Variants in PGM5 observed in about 807,000 individuals in gnomAD.
PGM5 encodes the protein phosphoglucomutase-like protein 5.
Under a neutral mutation model 59.2 loss-of-function variants are expected in PGM5, and 23 were observed. That is an observed-to-expected ratio of 0.39 (90% CI 0.28 to 0.55). The LOEUF (loss-of-function observed/expected upper bound fraction) is 0.55. Ranked by LOEUF, PGM5 falls within the 20% of genes least tolerant of loss-of-function variation. The probability of loss-of-function intolerance (pLI) is 0.66; values close to 1 mark genes in which losing one functional copy is unlikely to be tolerated. For missense variants in PGM5, 574 were observed against 748.3 expected (o/e 0.77, Z 2.72); for synonymous variants, 214 against 286.0 (o/e 0.75, Z 2.54).
intron 10 of PGM5, 78 bp from the exon 11 acceptor site, chr9:68,529,489 T>G (rs1402360846): frequency 1.3e-5 from 13 of 988,988 alleles, no homozygotes; most frequent in Non-Finnish European, 1.7e-5. Context: ...GTCCAGATGC[T>G]TATGGTAGAA....
chr9:68,458,985 C>A (rs1295837686), intron 6 of PGM5, among the ~76,000 whole-genome samples: 1 of 152,102 alleles, frequency 6.6e-6, no homozygotes, highest in Non-Finnish European at 1.5e-5. Context: ...TGCTAGACAT[C>A]AAAGAAGGGA....
chr9:68,432,079 A>T lies in PGM5; in HGVS notation c.1044-33014A>T, dbSNP rs202209046. ...TTTTGTTGTGTTGTTTTTTGTTTTT[A>T]AAAAAATCCCTCTTCCTATACAGAA... On this transcript the variant is annotated intron_variant, in intron 6 of 10. Coordinates refer to ENST00000396396, the MANE Select transcript of PGM5 (RefSeq NM_021965.4). Among the ~76,000 whole-genome samples, 196 of 143,156 alleles carry T rather than the reference A, an allele frequency of 1.4e-3. 2 individuals are homozygous for T. The East Asian group carries it at 0.037, about 27-fold the overall frequency. The allele number at this position is 143,156 out of a possible 152,430, so 93.9% of individuals were successfully genotyped here.
At chr9:68,503,516 G>A (rs370340736) in intron 10 of PGM5, among the ~76,000 whole-genome samples, 5 of 152,160 alleles carry the variant, frequency 3.3e-5, no homozygotes, top group African/African-American at 2.4e-5. Flanking sequence ...TCATTAAGTC[G>A]ATCCAGCCAA....
chr9:68,483,827 C>T (rs549835772), intron 8 of PGM5, 38 bp from the exon 9 acceptor site: 4 of 1,595,852 alleles, frequency 2.5e-6, no homozygotes, highest in Admixed American at 3.4e-5. Context: ...GTTGCTGGTT[C>T]TCTGATTAGG....
intron 6 of PGM5, among the ~76,000 whole-genome samples, chr9:68,440,533 T>C (rs1213880458): frequency 2.0e-5 from 3 of 152,194 alleles, no homozygotes; most frequent in Admixed American, 6.5e-5. Flanking sequence ...TTTATTTGGC[T>C]GAAGAAGTTA....
intron 6 of PGM5, among the ~76,000 whole-genome samples, chr9:68,451,473 T>C (rs1490061255): frequency 6.6e-6 from 1 of 152,258 alleles, no homozygotes; most frequent in Non-Finnish European, 1.5e-5. Context: ...AAAAATTCTT[T>C]CAAGTTCTTT....
chr9:68,465,335 A>G (rs782647171), intron 7 of PGM5, 127 bp downstream of exon 7: 30 of 646,564 alleles, frequency 4.6e-5, no homozygotes, highest in Non-Finnish European at 7.8e-5. Flanking sequence ...AATCAGAGAA[A>G]CCTAGTAGAG....
intron 6 of PGM5, among the ~76,000 whole-genome samples, chr9:68,410,329 G>T (rs1385207280): frequency 1.3e-5 from 2 of 152,162 alleles, no homozygotes; most frequent in African/African-American, 2.4e-5. Flanking sequence ...AAAAATGAGG[G>T]GTTGTCTTAT....
chr9:68,509,092 G>C (rs1554689202), intron 10 of PGM5, among the ~76,000 whole-genome samples: 2 of 152,168 alleles, frequency 1.3e-5, no homozygotes, highest in Non-Finnish European at 2.9e-5. Context: ...CAGGATCTGA[G>C]CTGTTAAGGG....
intron 7 of PGM5, among the ~76,000 whole-genome samples, chr9:68,468,590 G>C (rs1409252041): frequency 6.6e-6 from 1 of 152,120 alleles, no homozygotes; most frequent in Non-Finnish European, 1.5e-5. Flanking sequence ...GTGTTGGATG[G>C]TGTGTAGAAT....
chr9:68,481,173 A>G (rs1463231277), intron 8 of PGM5, among the ~76,000 whole-genome samples: 2 of 152,232 alleles, frequency 1.3e-5, no homozygotes, highest in African/African-American at 4.8e-5. Flanking sequence ...TTCTGTTAAG[A>G]AGACTTTTAC....
At position 68,378,319 on chromosome 9, in the gene PGM5, C is replaced by T; in HGVS notation, c.382C>T (p.Pro128Ser). The T allele has an allele frequency of 1.3e-6, 2 of 1,592,886 alleles. No individual in the cohort carries two copies. Among genetic ancestry groups the T allele is most frequent in the Non-Finnish European group, 1.7e-6 (2 of 1,171,852 alleles). Residue 128 changes from proline to serine, a missense_variant, in exon 2 of 11, where the codon CCA (proline) becomes TCA (serine). Pro to Ser is a moderately conservative substitution (Grantham distance 74, BLOSUM62 -1). Around this residue, in one of 7 missense-constraint regions of PGM5, gnomAD observed 61 missense variants for 133.3 expected, o/e 0.46. Coordinates refer to ENST00000396396, the MANE Select transcript of PGM5 (RefSeq NM_021965.4). ...ILTASHCPGG[P>S]GGEFGVKFNV... ...AACAGCCAGCCACTGCCCTGGAGGA[C>T]CAGGGGGAGAGTTTGGAGTGAAGTT...
intron 6 of PGM5, among the ~76,000 whole-genome samples, chr9:68,455,316 C>T (rs1279141585): frequency 1.3e-5 from 2 of 152,112 alleles, no homozygotes; most frequent in African/African-American, 2.4e-5. Flanking sequence ...CGCCTGGAAT[C>T]GGTAGAGTTT....
intron 10 of PGM5, among the ~76,000 whole-genome samples, chr9:68,526,892 A>G (rs1242974419): frequency 6.6e-6 from 1 of 152,228 alleles, no homozygotes; most frequent in Admixed American, 6.5e-5. Flanking sequence ...ATATAATTAA[A>G]TTGCATAGTC....
intron 6 of PGM5, among the ~76,000 whole-genome samples, chr9:68,416,596 T>A (rs1823036240): frequency 6.6e-6 from 1 of 152,264 alleles, no homozygotes; most frequent in African/African-American, 2.4e-5. Context: ...GAATATGTAT[T>A]CTCTTTCTTC....
intron 6 of PGM5, among the ~76,000 whole-genome samples, chr9:68,414,160 GAC>G (rs1365373966): frequency 1.4e-4 from 22 of 152,158 alleles, no homozygotes; most frequent in African/African-American, 4.8e-4. Context: ...ACCATGAGTG[GAC>G]ACAGCCTGAG....
Position 68,407,208 on chromosome 9 carries a change from A to G in PGM5, c.1043+14735A>G, listed in dbSNP as rs374615321. On this transcript the variant is annotated intron_variant, in intron 6 of 10. Transcript: ENST00000396396. ...GGCAGTGGCACAATCACAGCTCACT[A>G]CAATGAACTTCCAGGCTCAAGTGAT... Among the ~76,000 whole-genome samples the G allele has an allele frequency of 4.6e-5, 7 of 152,168 alleles. No individual in the cohort carries two copies. The South Asian group carries it at 1.4e-3, about 31-fold the overall frequency.
intron 2 of PGM5, among the ~76,000 whole-genome samples, chr9:68,382,220 A>G (rs1587781204): frequency 6.6e-6 from 1 of 151,230 alleles, no homozygotes; most frequent in East Asian, 1.9e-4. Context: ...AAATCAAGGC[A>G]TATATAGTCA....
chr9:68,518,682 A>T (rs1172457863), intron 10 of PGM5, among the ~76,000 whole-genome samples: 2 of 152,258 alleles, frequency 1.3e-5, no homozygotes, highest in Non-Finnish European at 2.9e-5. Context: ...GAAACTATGC[A>T]TCTGATTTTT....
Sources: allele counts gnomAD v4.1 joint callset (sites outside exome capture counted in the v4.1 genomes callset), GRCh38; gene constraint gnomAD v4.1.1; regional missense constraint gnomAD v4.1.1; transcripts MANE v1.5; gene names NCBI Gene and HGNC (gene_info 2026-07-23, HGNC 2026-07-21).